The following TMIGD2 variants were observed in gnomAD, a reference collection of about 807,000 sequenced individuals.
TMIGD2 encodes transmembrane and immunoglobulin domain-containing protein 2.
TMIGD2 carries 18 observed loss-of-function variants against 22.6 expected under a neutral mutation model. The observed-to-expected ratio is 0.80, with a 90% confidence interval of 0.55 to 1.18. The LOEUF (loss-of-function observed/expected upper bound fraction) is 1.18. TMIGD2 is among the 50% of genes most tolerant of loss of function. The pLI, the probability that TMIGD2 is intolerant of heterozygous loss-of-function variation, is 0.00. For synonymous variants in TMIGD2, 184 were observed against 154.1 expected, an observed-to-expected ratio of 1.19 and a Z score of -1.44; for missense variants, 361 against 378.2, an observed-to-expected ratio of 0.95 and a Z score of 0.38.
At chr19:4,292,564 A>T in exon 5 of TMIGD2, 2 of 1,588,570 alleles carry the variant, frequency 1.3e-6, no homozygotes, top group Middle Eastern at 1.8e-4. Context: ...GTGTGTACCT[A>T]TGGGTGGGGT....
Position 4,294,758 on chromosome 19 carries a change from C to T in TMIGD2, c.448+17G>A. 6.3e-7 allele frequency: 1 copy of T among 1,584,308 alleles called. No homozygotes were observed. Among genetic ancestry groups the T allele is most frequent in the Non-Finnish European group, 8.6e-7 (1 of 1,165,906 alleles). On this transcript the variant is annotated intron_variant, in intron 3 of 4. Coordinates refer to ENST00000301272, the Ensembl canonical transcript of TMIGD2. ...CGGGTGGAAGACGCTGGGGGAGGAA[C>T]ACAGGGCAGGGCTCACCTGGGAAGC...
At chr19:4,298,344 G>T in exon 2 of TMIGD2, 2 of 1,568,990 alleles carry the variant, frequency 1.3e-6, no homozygotes, top group Non-Finnish European at 1.7e-6. Flanking sequence ...CTTCTTGCAG[G>T]GCTGGAGGAC....
intron 1 of TMIGD2, among the ~76,000 whole-genome samples, chr19:4,301,536 G>A (rs1971536189): frequency 6.6e-6 from 1 of 152,184 alleles, no homozygotes; most frequent in African/African-American, 2.4e-5. Context: ...CAGGCGCAGT[G>A]GCGCGCGCCT....
intron 4 of TMIGD2, among the ~76,000 whole-genome samples, 184 bp downstream of exon 4, chr19:4,294,395 C>T (rs1159292007): frequency 2.6e-5 from 4 of 152,134 alleles, no homozygotes; most frequent in African/African-American, 4.8e-5. Context: ...TGCTAGGTTG[C>T]ACAGGCTAGG....
rs1387273666 is a variant in TMIGD2, at chr19:4,292,988, G to T, written c.563-103C>A. On this transcript the variant is annotated intron_variant, in intron 4 of 4. Coordinates refer to ENST00000301272, the Ensembl canonical transcript of TMIGD2. The stretch of plus-strand genomic sequence containing the variant: ...TCTTTTTTTTTTTTTCTGTGAGACG[G>T]AGTCTCACTCTGTCGCCCAGGCTGG... 6.7e-6 allele frequency: 10 copies of T among 1,502,770 alleles called. No individual in the cohort carries two copies. The East Asian group carries it at 1.6e-4, about 24-fold the overall frequency. The allele number at this position is 1,502,770 out of a possible 1,614,324, so 93.1% of individuals were successfully genotyped here.
intron 2 of TMIGD2, among the ~76,000 whole-genome samples, chr19:4,296,681 A>G (rs1173649755): frequency 6.7e-6 from 1 of 150,198 alleles, no homozygotes; most frequent in Admixed American, 6.8e-5. Context: ...TAACACAGCC[A>G]TAACACACCC....
At chr19:4,298,845 C>T (rs1395900333) in intron 1 of TMIGD2, among the ~76,000 whole-genome samples, 1 of 152,112 alleles carries the variant, frequency 6.6e-6, no homozygotes, top group Non-Finnish European at 1.5e-5. Flanking sequence ...GGGTATAAGT[C>T]GCTCAGAGCT....
intron 1 of TMIGD2, 118 bp from the exon 2 acceptor site, chr19:4,298,463 G>A: frequency 2.1e-6 from 3 of 1,406,412 alleles, no homozygotes; most frequent in South Asian, 1.5e-5. Flanking sequence ...TAAGACGGGT[G>A]CAGTGGCTCA....
chr19:4,294,838 C>T, intron 2 of TMIGD2, 22 bp from the exon 3 acceptor site: 2 of 1,529,552 alleles, frequency 1.3e-6, no homozygotes, highest in Non-Finnish European at 1.8e-6. Flanking sequence ...AAATCTATGT[C>T]ACGGGGGTGC....
At position 4,297,971 on chromosome 19, in the gene TMIGD2, C is replaced by A. The variant is rs6510801; in HGVS notation, c.406+15G>T. The A allele has an allele frequency of 7.1e-6, 11 of 1,547,516 alleles. No homozygotes were observed. The highest frequency in any genetic ancestry group is 9.6e-6 in the Non-Finnish European group (11 of 1,143,304). On this transcript the variant is annotated intron_variant, in intron 2 of 4. Transcript: ENST00000301272. ...CCTCCCCACTGCCCCTCCCTCTCCC[C>A]GCTGGCTCCCGTACCTGGGTCCACA... is the stretch of plus-strand genomic sequence containing the variant.
chr19:4,292,547 C>T, exon 5 of TMIGD2: 2 of 1,565,354 alleles, frequency 1.3e-6, no homozygotes, highest in Non-Finnish European at 1.8e-6. Flanking sequence ...TCGATCCCCC[C>T]TTTTTTGTGT....
chr19:4,297,874 A>G lies in TMIGD2; in HGVS notation c.406+112T>C, dbSNP rs1971481722. 65 of 1,206,476 alleles carry G rather than the reference A, an allele frequency of 5.4e-5. 1 individual carries two copies. Among genetic ancestry groups the G allele is most frequent in the Non-Finnish European group, 7.1e-5 (64 of 904,642 alleles). The allele number at this position is 1,206,476 out of a possible 1,614,324, so 74.7% of individuals were successfully genotyped here. A position where few individuals can be genotyped will look rare whatever the true frequency, so the allele number is the denominator to read the frequency against. On this transcript the variant is annotated intron_variant, in intron 2 of 4. Coordinates refer to ENST00000301272, the Ensembl canonical transcript of TMIGD2. ...TCTGTCTCTTAAAAAAAAAAAAAAA[A>G]GTTTGATATGAAGAATTTAGAGTTT...
chr19:4,292,319 G>T, exon 5 of TMIGD2: 1 of 421,216 alleles, frequency 2.4e-6, no homozygotes, highest in Non-Finnish European at 4.3e-6. Context: ...TCTCAGGATG[G>T]GGCTGACAGG....
At chr19:4,295,536 G>A (rs999661522) in intron 2 of TMIGD2, among the ~76,000 whole-genome samples, 4 of 151,888 alleles carry the variant, frequency 2.6e-5, no homozygotes, top group African/African-American at 9.7e-5. Context: ...CTCCAGCCTG[G>A]GCGACAGAGC....
chr19:4,296,837 C>T (rs956189591), intron 2 of TMIGD2, among the ~76,000 whole-genome samples: 53 of 152,186 alleles, frequency 3.5e-4, no homozygotes, highest in African/African-American at 1.3e-3. Flanking sequence ...GCACCTCTCA[C>T]AGAGCAGGAG....
intron 1 of TMIGD2, 73 bp from the exon 2 acceptor site, chr19:4,298,418 T>C: frequency 1.3e-6 from 2 of 1,483,066 alleles, no homozygotes; most frequent in Non-Finnish European, 1.8e-6. Flanking sequence ...ACTCCCCTAG[T>C]GAGCCCGCAG....
chr19:4,293,792 G>C (rs1346322261), intron 4 of TMIGD2, among the ~76,000 whole-genome samples: 1 of 150,784 alleles, frequency 6.6e-6, no homozygotes, highest in Non-Finnish European at 1.5e-5. Flanking sequence ...GATGGAGTCT[G>C]GCTGTGTCGC....
At chr19:4,295,789 C>A (rs1176743455) in intron 2 of TMIGD2, among the ~76,000 whole-genome samples, 1 of 152,100 alleles carries the variant, frequency 6.6e-6, no homozygotes, top group Non-Finnish European at 1.5e-5. Context: ...TGCCTAGGGT[C>A]CCCTACCCAG....
rs1372717129 is a variant in TMIGD2 at position 4,298,113 on chromosome 19, G to A, written c.279C>T (p.Ser93=). ...CAGGGTCCAGCTGCAGGGTGAGATG[G>A]CTGGGTGCCTGCCAGGAGAGCCGTC... is the stretch of plus-strand genomic sequence containing the variant. The change falls in exon 2 of 5, where the codon AGC becomes AGT. Residue 93 remains serine, a synonymous_variant. Transcript: ENST00000301272. 3 of 1,613,376 alleles carry A rather than the reference G, an allele frequency of 1.9e-6. No homozygotes were observed. In the African/African-American group the frequency reaches 4.0e-5, roughly 22 times the overall value.
Sources: gnomAD v4.1 joint callset for allele counts (sites outside exome capture counted in the v4.1 genomes callset) on GRCh38, gnomAD v4.1.1 for gene constraint, MANE v1.5 for transcripts, NCBI Gene and HGNC (gene_info 2026-07-23, HGNC 2026-07-21) for gene names.